The following TENM3 variants were observed in gnomAD, a reference collection of about 807,000 sequenced individuals.
TENM3 encodes teneurin transmembrane protein 3.
Under a neutral mutation model 255.1 loss-of-function variants are expected in TENM3, and 63 were observed. The observed-to-expected ratio is 0.25, with a 90% confidence interval of 0.20 to 0.30. The LOEUF is 0.30. Ranked by LOEUF, TENM3 falls within the 10% of genes least tolerant of loss-of-function variation. The pLI is 1.00. For synonymous variants in TENM3, 1,306 were observed against 1,322.3 expected (o/e 0.99, Z 0.27); for missense variants, 2,929 against 3,461.1 (o/e 0.85, Z 3.86).
intron 3 of TENM3, among the ~76,000 whole-genome samples, chr4:182,556,898 C>G (rs540119882): frequency 1.3e-5 from 2 of 152,320 alleles, no homozygotes; most frequent in African/African-American, 4.8e-5. Context: ...CCCTAGAAGA[C>G]AGGCAAGGGA....
At chr4:182,785,712 T>TAA (rs397879537) in intron 24 of TENM3, among the ~76,000 whole-genome samples, 3,238 of 60,054 alleles carry the variant, frequency 0.054, 285 homozygotes, top group African/African-American at 0.18. Context: ...TGTCTCAAGA[T>TAA]AAAAAAAAAA....
At chr4:182,034,777 T>C in the TENM3 span, among the ~76,000 whole-genome samples, 1 of 152,206 alleles carries the variant, frequency 6.6e-6, no homozygotes, top group Non-Finnish European at 1.5e-5. Context: ...GGCTTTCCTT[T>C]GTAGGTGACC....
At chr4:181,651,370 C>A in the TENM3 span, among the ~76,000 whole-genome samples, 1 of 152,144 alleles carries the variant, frequency 6.6e-6, no homozygotes, top group Non-Finnish European at 1.5e-5. Context: ...GAGGCCAAGG[C>A]AGATGGATCA....
At chr4:182,621,762 A>AT (rs1750261396) in intron 4 of TENM3, among the ~76,000 whole-genome samples, 1 of 79,474 alleles carries the variant, frequency 1.3e-5, no homozygotes, top group Non-Finnish European at 2.5e-5. Flanking sequence ...ATAATATATA[A>AT]TAATTATATA....
the TENM3 span, among the ~76,000 whole-genome samples, chr4:181,743,305 G>T: frequency 6.6e-6 from 1 of 152,112 alleles, no homozygotes; most frequent in African/African-American, 2.4e-5. Flanking sequence ...GTGTAAAAGT[G>T]TTCCTATTTC....
chr4:181,468,480 C>T, the TENM3 span, among the ~76,000 whole-genome samples: 1 of 152,178 alleles, frequency 6.6e-6, no homozygotes, highest in Admixed American at 6.5e-5. Context: ...CATGTATCAT[C>T]CTCAGATAGG....
At chr4:181,735,078 T>A in the TENM3 span, among the ~76,000 whole-genome samples, 1 of 152,046 alleles carries the variant, frequency 6.6e-6, no homozygotes, top group African/African-American at 2.4e-5. Flanking sequence ...AAGAACTGGG[T>A]ATGTAAAAAA....
chr4:181,936,565 A>ATGT, the TENM3 span, among the ~76,000 whole-genome samples: 2 of 152,084 alleles, frequency 1.3e-5, no homozygotes, highest in Non-Finnish European at 1.5e-5. Context: ...TTGGTGCAAG[A>ATGT]TGTTGGTGCC....
chr4:182,789,891 C>T lies in TENM3; in HGVS notation c.5601+502C>T, dbSNP rs1765964812. Among the ~76,000 whole-genome samples, 1 of 152,306 alleles carries T rather than the reference C, an allele frequency of 6.6e-6. No homozygotes were observed. The highest frequency in any genetic ancestry group is 1.5e-5 in the Non-Finnish European group (1 of 68,022). On this transcript the variant is annotated intron_variant, in intron 25 of 27. Coordinates refer to ENST00000511685, the MANE Select transcript of TENM3 (RefSeq NM_001080477.4). The surrounding 1 kb of genome is among the most constrained non-coding windows in gnomAD (Gnocchi z 4.4). ...TCTTAGAAAGCCACACTTTCGGGTACTCTGTGGCATCTTTCCTTTCTTCTA... is the reference window on the plus strand; with the variant it reads ...TCTTAGAAAGCCACACTTTCGGGTATTCTGTGGCATCTTTCCTTTCTTCTA...
intron 3 of TENM3, among the ~76,000 whole-genome samples, chr4:182,362,338 G>A (rs2430015): frequency 0.94 from 142,602 of 151,514 alleles, 67,409 homozygotes; most frequent in Non-Finnish European, 0.99. Context: ...GCCTACAGAG[G>A]CAGGCAGGCC....
At chr4:182,574,003 G>T (rs1019273549) in intron 3 of TENM3, among the ~76,000 whole-genome samples, 2 of 152,006 alleles carry the variant, frequency 1.3e-5, no homozygotes, top group African/African-American at 4.8e-5. Flanking sequence ...AAGGCATTTA[G>T]CTAAAAGTAT....
intron 24 of TENM3, among the ~76,000 whole-genome samples, chr4:182,777,538 T>G (rs1026545195): frequency 3.5e-5 from 5 of 144,170 alleles, no homozygotes; most frequent in Non-Finnish European, 6.0e-5. Flanking sequence ...TGTGTGTGTG[T>G]GTGTATTTCT....
chr4:182,360,029 T>C (rs1420351232), intron 3 of TENM3, among the ~76,000 whole-genome samples: 1 of 152,170 alleles, frequency 6.6e-6, no homozygotes, highest in Non-Finnish European at 1.5e-5. Flanking sequence ...AGTTGAGCGG[T>C]TTTGAGTGAG....
the TENM3 span, among the ~76,000 whole-genome samples, chr4:181,820,852 T>A: frequency 6.6e-6 from 1 of 152,208 alleles, no homozygotes. Context: ...GTATTTTATA[T>A]CATCGCCTTT....
At chr4:181,580,046 G>T in the TENM3 span, among the ~76,000 whole-genome samples, 6 of 151,354 alleles carry the variant, frequency 4.0e-5, no homozygotes, top group Admixed American at 4.0e-4. Context: ...TGCCCAGGCT[G>T]GAGTGCAGTG....
chr4:182,144,644 C>T (rs896415020), upstream of TENM3: 5 of 146,774 alleles, frequency 3.4e-5, no homozygotes, highest in Non-Finnish European at 1.5e-5. Flanking sequence ...GGGCCCCCCT[C>T]CCCCGCGCCC....
In TENM3 at chr4:182,198,546, G is replaced by A. The variant is rs115112091; in HGVS notation, c.-76+53792G>A. On this transcript the variant is annotated intron_variant, in intron 1 of 2. Transcript: ENST00000512480. ...TTGCTGCGGATAGCCCGCTACTTTG[G>A]TGAGAAGAGGAAGGACAAATATCAT... Among the ~76,000 whole-genome samples the A allele has an allele frequency of 4.1e-3, 624 of 152,348 alleles. 4 individuals carry two copies. Among genetic ancestry groups the A allele is most frequent in the African/African-American group, 0.013 (561 of 41,592 alleles).
chr4:182,654,414 A>G (rs577897508), intron 6 of TENM3, among the ~76,000 whole-genome samples: 44 of 152,342 alleles, frequency 2.9e-4, no homozygotes, highest in African/African-American at 9.9e-4. Context: ...CTCTGAATTA[A>G]AAATGGAATT....
chr4:181,654,491 C>T, the TENM3 span, among the ~76,000 whole-genome samples: 2 of 152,058 alleles, frequency 1.3e-5, no homozygotes, highest in Non-Finnish European at 1.5e-5. Context: ...AGTGGTCCTT[C>T]GCCTATAATC....
Sources: allele counts gnomAD v4.1 joint callset (sites outside exome capture counted in the v4.1 genomes callset), GRCh38; gene constraint gnomAD v4.1.1; non-coding constraint Gnocchi (gnomAD v3.1); transcripts MANE v1.5; gene names NCBI Gene and HGNC (gene_info 2026-07-23, HGNC 2026-07-21).